The following MTA3 variants were observed in gnomAD, a reference collection of about 807,000 sequenced individuals.
MTA3 encodes the protein metastasis-associated protein MTA3.
MTA3 carries 34 observed loss-of-function variants against 83.5 expected under a neutral mutation model. That is an observed-to-expected ratio of 0.41 (90% CI 0.31 to 0.54). The LOEUF (loss-of-function observed/expected upper bound fraction) is 0.54, where lower values mean the gene tolerates loss of function less well. MTA3 is among the 20% of genes least tolerant of loss of function. The probability of loss-of-function intolerance (pLI) is 0.33; values close to 1 mark genes in which losing one functional copy is unlikely to be tolerated. For synonymous variants in MTA3, 303 were observed against 252.7 expected (o/e 1.20, Z -1.89); for missense variants, 761 against 726.4 (o/e 1.05, Z -0.55).
chr2:42,582,042 G>A (rs886452375), intron 3 of MTA3: 3 of 151,816 alleles, frequency 2.0e-5, no homozygotes, highest in Admixed American at 1.3e-4. Context: ...GAGCCACCGT[G>A]GCCGGCAATA....
intron 12 of MTA3, 51 bp downstream of exon 12, chr2:42,704,369 TG>T: frequency 6.2e-7 from 1 of 1,607,340 alleles, no homozygotes; most frequent in Non-Finnish European, 8.5e-7. Context: ...TTCTGGCTCA[TG>T]GGGTGTGAGC....
At chr2:42,524,282 A>G (rs1216074752) in intron 2 of MTA3, among the ~76,000 whole-genome samples, 1 of 151,754 alleles carries the variant, frequency 6.6e-6, no homozygotes, top group Non-Finnish European at 1.5e-5. Context: ...GTTCAGCTTC[A>G]ATGGTTGCAA....
At chr2:42,630,241 A>G (rs958618770) in intron 4 of MTA3, among the ~76,000 whole-genome samples, 4 of 152,166 alleles carry the variant, frequency 2.6e-5, no homozygotes, top group Non-Finnish European at 5.9e-5. Context: ...AAGTGAGCCA[A>G]AGTGCAGCCT....
intron 2 of MTA3, among the ~76,000 whole-genome samples, chr2:42,571,003 C>G (rs914007001): frequency 6.6e-6 from 1 of 150,900 alleles, no homozygotes; most frequent in African/African-American, 2.4e-5. Flanking sequence ...ATGAGATAAA[C>G]TCCGTCTCAA....
chr2:42,714,158 T>C (rs1405383034), intron 14 of MTA3, among the ~76,000 whole-genome samples: 2 of 152,194 alleles, frequency 1.3e-5, no homozygotes, highest in African/African-American at 2.4e-5. Context: ...GAGATAGAAA[T>C]CTTTGCCTAT....
chr2:42,743,138 G>T (rs1020099148), intron 16 of MTA3, among the ~76,000 whole-genome samples: 1 of 152,178 alleles, frequency 6.6e-6, no homozygotes, highest in South Asian at 2.1e-4. Context: ...GAATCCTGGA[G>T]AGAAGAAAGG....
At chr2:42,509,418 A>G (rs1057316623) in intron 2 of MTA3, among the ~76,000 whole-genome samples, 1 of 152,256 alleles carries the variant, frequency 6.6e-6, no homozygotes, top group Middle Eastern at 3.4e-3. Flanking sequence ...CTCTGGGGTC[A>G]GTTCACACCA....
intron 3 of MTA3, among the ~76,000 whole-genome samples, chr2:42,598,106 T>C (rs1682059703): frequency 6.6e-6 from 1 of 152,024 alleles, no homozygotes; most frequent in South Asian, 2.1e-4. Flanking sequence ...AGAATCTTGC[T>C]CTGTTGCCCA....
rs1327312692 is a variant in MTA3 at position 42,609,409 on chromosome 2, C to A, written c.191-49C>A. The A allele has an allele frequency of 1.9e-6, 3 of 1,557,748 alleles. No individual in the cohort carries two copies. The East Asian group carries it at 6.8e-5, about 35-fold the overall frequency. ...GATTTGATCTGTTTCAATATCCAAA[C>A]AGATAATGTGCTTTGTACTAATAAA... On this transcript the variant is annotated intron_variant, in intron 3 of 16. Transcript: ENST00000405094.
chr2:42,533,972 G>C lies in MTA3; in HGVS notation c.-140-36465G>C, dbSNP rs548302424. 5.3e-4 allele frequency among the ~76,000 whole-genome samples: 81 copies of C among 151,990 alleles called. No individual in the cohort carries two copies. In the Middle Eastern group the frequency reaches 0.024, roughly 45 times the overall value. ...TAAGTTGCATCTCGTTCACATTATT[G>C]GGCATGGTGGTTTAGACTCTGGGCC... On this transcript the variant is annotated intron_variant, in intron 2 of 17. Transcript: ENST00000405592.
intron 3 of MTA3, among the ~76,000 whole-genome samples, chr2:42,608,039 G>C (rs764000193): frequency 2.6e-4 from 40 of 152,346 alleles, no homozygotes; most frequent in Non-Finnish European, 5.3e-4. Flanking sequence ...TGCATCATGA[G>C]AGATGCCGTT....
At chr2:42,753,168 A>AC (rs1235047624) in intron 16 of MTA3, among the ~76,000 whole-genome samples, 2 of 152,228 alleles carry the variant, frequency 1.3e-5, no homozygotes, top group East Asian at 3.9e-4. Context: ...GCCTCAAGCC[A>AC]TCCACCGGCC....
intron 4 of MTA3, among the ~76,000 whole-genome samples, chr2:42,616,375 T>C (rs939287432): frequency 6.6e-6 from 1 of 151,280 alleles, no homozygotes; most frequent in African/African-American, 2.4e-5. Context: ...TAGGTGGTTC[T>C]ATTTAGAGTT....
At chr2:42,586,477 AAC>A (rs573814961) in intron 3 of MTA3, among the ~76,000 whole-genome samples, 14,511 of 72,544 alleles carry the variant, frequency 0.2, 1,689 homozygotes, top group East Asian at 0.34. Context: ...AAGGAAGGAA[AAC>A]ACACACACAC....
chr2:42,584,955 A>G lies in MTA3; in HGVS notation c.190+5755A>G, dbSNP rs539687396. Among the ~76,000 whole-genome samples the G allele has an allele frequency of 8.0e-5, 12 of 150,930 alleles. No individual in the cohort carries two copies. In the East Asian group the frequency reaches 2.1e-3, roughly 27 times the overall value. ...ATAAGATTTTTTTTTTTTTTGAGAC[A>G]GAGTCTCGCTCTGTCACCTAGGCTT... On this transcript the variant is annotated intron_variant, in intron 3 of 16. Transcript: ENST00000405094.
intron 11 of MTA3, among the ~76,000 whole-genome samples, chr2:42,699,910 A>G (rs1259243178): frequency 6.6e-6 from 1 of 152,156 alleles, no homozygotes; most frequent in Non-Finnish European, 1.5e-5. Flanking sequence ...GATAGCAATA[A>G]GAAAAGGGCC....
At chr2:42,616,020 G>A (rs186396697) in intron 4 of MTA3, among the ~76,000 whole-genome samples, 61 of 149,394 alleles carry the variant, frequency 4.1e-4, no homozygotes, top group African/African-American at 7.9e-4. Flanking sequence ...GTGCCCGGCC[G>A]TACAGGCGTG....
intron 3 of MTA3, among the ~76,000 whole-genome samples, chr2:42,608,179 G>A (rs1015361129): frequency 6.6e-6 from 1 of 152,076 alleles, no homozygotes; most frequent in Admixed American, 6.5e-5. Context: ...AGCTCTGTAG[G>A]GTATGCATTA....
At chr2:42,683,329 C>A (rs146480733) in intron 9 of MTA3, among the ~76,000 whole-genome samples, 23 of 152,276 alleles carry the variant, frequency 1.5e-4, no homozygotes, top group Admixed American at 2.6e-4. Context: ...AATGAAATGA[C>A]CTCTGCTAAG....
Sources: gnomAD v4.1 joint callset for allele counts (sites outside exome capture counted in the v4.1 genomes callset) on GRCh38, gnomAD v4.1.1 for gene constraint, MANE v1.5 for transcripts, NCBI Gene and HGNC (gene_info 2026-07-23, HGNC 2026-07-21) for gene names.